AP4M1: variants seen among roughly 807,000 people sequenced by gnomAD.
The protein encoded by AP4M1 is adaptor related protein complex 4 subunit mu 1, also known as AP-4 complex subunit mu-1.
In AP4M1, 58 loss-of-function variants were observed where a neutral mutation model predicts 62.4. That is an observed-to-expected ratio of 0.93 (90% CI 0.75 to 1.16). The LOEUF is 1.16. Ranked by LOEUF, AP4M1 falls within the 50% of genes most tolerant of loss-of-function variation. The pLI, the probability that AP4M1 is intolerant of heterozygous loss-of-function variation, is 0.00. For missense variants in AP4M1, 626 were observed against 585.4 expected, an observed-to-expected ratio of 1.07 and a Z score of -0.72; for synonymous variants, 290 against 239.7, an observed-to-expected ratio of 1.21 and a Z score of -1.94.
chr7:100,102,228 A>C (rs1012003848), intron 2 of AP4M1: 9 of 536,366 alleles, frequency 1.7e-5, no homozygotes, highest in Non-Finnish European at 3.0e-5. Context: ...TAAAAATACA[A>C]AAAAAAAAAA....
chr7:100,105,390 A>C lies in AP4M1; in HGVS notation c.834+44A>C, dbSNP rs117820338. 1,380 of 1,612,334 alleles carry C rather than the reference A, an allele frequency of 8.6e-4. 14 individuals are homozygous for C. The East Asian group carries it at 0.027, about 32-fold the overall frequency. The stretch of plus-strand genomic sequence containing the variant: ...TCATAAATTCCGTCCACCATGGGGA[A>C]GGGGGCAGTGGGGTCGTGAGACCAA... On this transcript the variant is annotated intron_variant, in intron 10 of 14. Transcript: ENST00000359593.
Position 100,108,416 on chromosome 7 carries a change from G to C in AP4M1, c.*1534G>C. Reference sequence around the variant, plus strand: ...GTTGACCTGCTGAGCCTGCAGAGCAGCCTGGGCCCGAGCCTTGACCACCTG... The same window carrying C: ...GTTGACCTGCTGAGCCTGCAGAGCACCCTGGGCCCGAGCCTTGACCACCTG... On this transcript the variant is annotated 3_prime_UTR_variant, in exon 15 of 15. Transcript: ENST00000359593. 1 of 1,613,726 alleles carries C rather than the reference G, an allele frequency of 6.2e-7. No individual in the cohort carries two copies. Among genetic ancestry groups the C allele is most frequent in the East Asian group, 2.2e-5 (1 of 44,866 alleles).
chr7:100,101,813 G>A lies in AP4M1; in HGVS notation c.58+41G>A, dbSNP rs1122598. ...GGGGCTGGGAAGGGGCGGAGGGGCCGGGCGGGAGGGGCGCCCAGGGCCAGC... is the reference window on the plus strand; with the variant it reads ...GGGGCTGGGAAGGGGCGGAGGGGCCAGGCGGGAGGGGCGCCCAGGGCCAGC... On this transcript the variant is annotated intron_variant, in intron 1 of 14. Transcript: ENST00000359593. 287,608 of 1,607,650 alleles carry A rather than the reference G, an allele frequency of 0.18. 29,836 individuals are homozygous for A. The highest frequency in any genetic ancestry group is 0.4 in the East Asian group (18,076 of 44,772).
chr7:100,108,776 C>G lies in AP4M1; in HGVS notation c.*1894C>G, dbSNP rs117460458. On this transcript the variant is annotated 3_prime_UTR_variant, in exon 15 of 15. Coordinates refer to ENST00000359593, the MANE Select transcript of AP4M1 (RefSeq NM_004722.4). ...ACGGGGCCAGGTGCAGCATCTTAGG[C>G]CTGTATCCCAGCACTTGGGAGGCTG... 0.014 allele frequency: 5,661 copies of G among 405,120 alleles called. 81 individuals carry two copies. Among genetic ancestry groups the G allele is most frequent in the Middle Eastern group, 0.072 (112 of 1,562 alleles). The allele number at this position is 405,120 out of a possible 1,614,324, so 25.1% of individuals were successfully genotyped here.
In AP4M1 at chr7:100,107,316, G is replaced by C; in HGVS notation, c.*434G>C. ...GGCTTTTGGAGTCCCTGGAGCTGGA[G>C]GGGGACTGTCCCCAGCCTCCTGCTT... On this transcript the variant is annotated 3_prime_UTR_variant, in exon 15 of 15. Transcript: ENST00000359593. 6.5e-7 allele frequency: 1 copy of C among 1,535,078 alleles called. No homozygotes were observed. Among genetic ancestry groups the C allele is most frequent in the Non-Finnish European group, 8.8e-7 (1 of 1,141,170 alleles).
chr7:100,108,554 A>G lies in AP4M1; in HGVS notation c.*1672A>G. On this transcript the variant is annotated 3_prime_UTR_variant, in exon 15 of 15. Transcript: ENST00000359593. ...AGCACAGTGTTTCTGCAGAACAGAA[A>G]AAAAGCCAGGTAGAGGGAGGGCTGG... The G allele has an allele frequency of 6.3e-7, 1 of 1,583,746 alleles. No homozygotes were observed. The highest frequency in any genetic ancestry group is 8.6e-7 in the Non-Finnish European group (1 of 1,159,576).
chr7:100,103,691 A>T lies in AP4M1; in HGVS notation c.542A>T (p.Gln181Leu), dbSNP rs1796241775. ...SRPVLSSRSD[Q>L]SQKNEVFLDV... ...CCCGTCCTGTCCAGTCGCTCTGACC[A>T]GGTGAGGGAAGGATCCATGGGGTCA... The change falls in exon 6 of 15, where the codon CAG becomes CTG. Residue 181 changes from glutamine (Q) to leucine (L), a missense_variant and splice_region_variant. Physicochemically the swap from Gln to Leu is moderately radical, Grantham distance 113. Coordinates refer to ENST00000359593, the MANE Select transcript of AP4M1 (RefSeq NM_004722.4). 1.9e-6 allele frequency: 3 copies of T among 1,611,820 alleles called. No individual in the cohort carries two copies. The East Asian group carries it at 6.7e-5, about 36-fold the overall frequency.
chr7:100,102,238 A>T (rs758868931), intron 2 of AP4M1: 3 of 604,968 alleles, frequency 5.0e-6, no homozygotes, highest in African/African-American at 1.9e-5. Context: ...AAAAAAAAAA[A>T]AACATAGCTG....
rs562477425 is a variant in AP4M1, at chr7:100,108,203, C to T, written c.*1321C>T. 17 of 1,478,510 alleles carry T rather than the reference C, an allele frequency of 1.1e-5. No individual in the cohort carries two copies. The highest frequency in any genetic ancestry group is 6.4e-5 in the Admixed American group (3 of 46,576). 91.6% of individuals were successfully genotyped at this position (1,478,510 alleles called of 1,614,324 possible). ...TGAAGGGAGAGGCCTGGGCTCCCCT[C>T]GCTCTTCCTCAGTGGCTCTCACTAG... is the stretch of plus-strand genomic sequence containing the variant. On this transcript the variant is annotated 3_prime_UTR_variant, in exon 15 of 15. Transcript: ENST00000359593.
intron 11 of AP4M1, 55 bp downstream of exon 11, chr7:100,105,594 A>G: frequency 3.9e-6 from 6 of 1,524,784 alleles, no homozygotes; most frequent in Admixed American, 3.4e-5. Context: ...CAAGACCTGT[A>G]TGTTCCCAAG....
At position 100,107,837 on chromosome 7, in the gene AP4M1, G is replaced by A. The variant is rs988540460; in HGVS notation, c.*955G>A. The A allele has an allele frequency of 1.6e-5, 24 of 1,479,462 alleles. No homozygotes were observed. The highest frequency in any genetic ancestry group is 1.8e-6 in the Non-Finnish European group (2 of 1,102,358). 91.6% of individuals were successfully genotyped at this position (1,479,462 alleles called of 1,614,324 possible). On this transcript the variant is annotated 3_prime_UTR_variant, in exon 15 of 15. Coordinates refer to ENST00000359593, the MANE Select transcript of AP4M1 (RefSeq NM_004722.4). ...TCCAGCTCTTGACTTGGGGCCCAGAGGGGACTGTGCTCTACTCCTGGGCCT... is the reference window on the plus strand; with the variant it reads ...TCCAGCTCTTGACTTGGGGCCCAGAAGGGACTGTGCTCTACTCCTGGGCCT...
rs1345501258 is a variant in AP4M1, at chr7:100,107,671, C to T, written c.*789C>T. On this transcript the variant is annotated 3_prime_UTR_variant, in exon 15 of 15. Coordinates refer to ENST00000359593, the MANE Select transcript of AP4M1 (RefSeq NM_004722.4). ...CCGCTTGCCCTGTGCCCTCCCTGCC[C>T]CCCAGAGGCCTGGCGAGGACGCTTC... 5.7e-6 allele frequency: 9 copies of T among 1,592,438 alleles called. No homozygotes were observed. Among genetic ancestry groups the T allele is most frequent in the East Asian group, 2.2e-5 (1 of 44,624 alleles).
rs533372931 is a variant in AP4M1, at chr7:100,107,179, C to T, written c.*297C>T. On this transcript the variant is annotated 3_prime_UTR_variant, in exon 15 of 15. Transcript: ENST00000359593. The stretch of plus-strand genomic sequence containing the variant: ...AACTTCCTTCCGCTTAGCGAGCATG[C>T]ATGTGTGTACGTGCACGTGTGTACA... The T allele has an allele frequency of 1.3e-6, 2 of 1,517,322 alleles. No individual in the cohort carries two copies. The highest frequency in any genetic ancestry group is 2.7e-5 in the South Asian group (2 of 75,356). 94.0% of individuals were successfully genotyped at this position (1,517,322 alleles called of 1,614,324 possible). A position where few individuals can be genotyped will look rare whatever the true frequency, so the allele number is the denominator to read the frequency against.
intron 2 of AP4M1, chr7:100,102,239 A>AC: frequency 1.7e-6 from 1 of 597,090 alleles, no homozygotes; most frequent in South Asian, 1.8e-5. Context: ...AAAAAAAAAA[A>AC]ACATAGCTGG....
Position 100,107,240 on chromosome 7 carries a change from G to T in AP4M1, c.*358G>T. 6.6e-7 allele frequency: 1 copy of T among 1,521,306 alleles called. No homozygotes were observed. The highest frequency in any genetic ancestry group is 8.8e-7 in the Non-Finnish European group (1 of 1,137,928). The allele number at this position is 1,521,306 out of a possible 1,614,324, so 94.2% of individuals were successfully genotyped here. ...TGTGGGAATCCGGGGGCTGGCAGGT[G>T]GAGCATCACGGAGCAGGCTGAGGGG... is the stretch of plus-strand genomic sequence containing the variant. On this transcript the variant is annotated 3_prime_UTR_variant, in exon 15 of 15. Coordinates refer to ENST00000359593, the MANE Select transcript of AP4M1 (RefSeq NM_004722.4).
At chr7:100,102,347 G>C in intron 2 of AP4M1, 2 of 512,054 alleles carry the variant, frequency 3.9e-6, no homozygotes, top group South Asian at 2.0e-5. Context: ...GCCGAGATCC[G>C]GACACCGCAC....
rs1432742177 is a variant in AP4M1, at chr7:100,101,892, G to A, written c.71G>A (p.Ser24Asn). ...PLIYKDFRGD[S>N]GGRDVAELFY... is the part of the protein sequence containing the mutation. ...TTCCACCCGCCAGTCCGCGGGGACA[G>A]TGGCGGCCGGGATGTGGCCGAGCTC... The change falls in exon 2 of 15, where the codon AGT becomes AAT. Residue 24 changes from serine (S) to asparagine (N), a missense_variant. By Grantham distance (46) the Ser-to-Asn change is conservative (BLOSUM62 1). Coordinates refer to ENST00000359593, the MANE Select transcript of AP4M1 (RefSeq NM_004722.4). The A allele has an allele frequency of 1.2e-6, 2 of 1,613,016 alleles. No homozygotes were observed. The highest frequency in any genetic ancestry group is 2.2e-5 in the East Asian group (1 of 44,886).
At chr7:100,101,640 G>T, upstream of AP4M1, 1 of 1,443,558 alleles carries the variant, frequency 6.9e-7, no homozygotes, top group Non-Finnish European at 9.7e-7. Context: ...GCGCACACGC[G>T]TTCTTTTGTT....
rs754985777 is a variant in AP4M1, at chr7:100,106,643, C to T, written c.1138-15C>T. ...TTCTTGCCCTCCTTCCTCTCCCTGCCTCTGCCCCTCACAGATGGACGTCCC... is the reference window on the plus strand; with the variant it reads ...TTCTTGCCCTCCTTCCTCTCCCTGCTTCTGCCCCTCACAGATGGACGTCCC... On this transcript the variant is annotated splice_polypyrimidine_tract_variant and intron_variant, in intron 14 of 14. Transcript: ENST00000359593. 2.2e-5 allele frequency: 35 copies of T among 1,611,996 alleles called. No homozygotes were observed. The highest frequency in any genetic ancestry group is 2.9e-5 in the Non-Finnish European group (34 of 1,179,468).
Sources: allele counts gnomAD v4.1 joint callset, GRCh38; gene constraint gnomAD v4.1.1; transcripts MANE v1.5; gene names NCBI Gene and HGNC (gene_info 2026-07-23, HGNC 2026-07-21).